Variants in GPNMB observed in about 807,000 individuals in gnomAD.
GPNMB encodes the protein glycoprotein nmb.
A neutral mutation model predicts 57.3 loss-of-function variants in GPNMB; 71 were observed. The ratio of observed to expected loss-of-function variants is 1.24; its 90% CI spans 1.02 to 1.51. The LOEUF is 1.51. Among genes scored for constraint, GPNMB ranks in the 40% most tolerant of loss-of-function variants. GPNMB has a pLI of 0.00. For missense variants in GPNMB, 677 were observed against 691.9 expected (o/e 0.98, Z 0.24); for synonymous variants, 253 against 263.2 (o/e 0.96, Z 0.38).
At position 23,260,705 on chromosome 7, in the gene GPNMB, C is replaced by A. The variant is rs749063192; in HGVS notation, c.950C>A (p.Ala317Asp). Reference protein sequence around the residue: ...GTFSLNLTVKAAAPGPCPPPP... With the variant: ...GTFSLNLTVKDAAPGPCPPPP... Reference sequence around the variant, plus strand: ...TTCAGCCTTAACCTCACTGTGAAAGCTGCAGCACCAGGACCTTGTCCGCCA... The same window carrying A: ...TTCAGCCTTAACCTCACTGTGAAAGATGCAGCACCAGGACCTTGTCCGCCA... The change falls in exon 6 of 11, where the codon GCT (alanine) becomes GAT (aspartate). Residue 317 changes from alanine (A) to aspartate (D), a missense_variant. Ala to Asp is a moderately radical substitution (Grantham distance 126). Coordinates refer to ENST00000258733, the MANE Select transcript of GPNMB (RefSeq NM_002510.3). The A allele has an allele frequency of 8.1e-6, 13 of 1,608,432 alleles. No homozygotes were observed. The highest frequency in any genetic ancestry group is 1.0e-5 in the Non-Finnish European group (12 of 1,176,000).
chr7:23,274,174 C>G lies in GPNMB; in HGVS notation c.1633C>G (p.Gln545Glu). Residue 545 changes from glutamine to glutamate, a missense_variant, in exon 11 of 11, where the codon CAG becomes GAG. Gln to Glu is a conservative substitution (Grantham distance 29, BLOSUM62 2). Transcript: ENST00000258733. ...RAKAVFFPGN[Q>E]EKDPLLKNQE... ...AAAAGCCGTGTTCTTCCCGGGAAAC[C>G]AGGAAAAGGATCCGCTACTCAAAAA... 6.2e-7 allele frequency: 1 copy of G among 1,613,958 alleles called. No homozygotes were observed. The highest frequency in any genetic ancestry group is 1.1e-5 in the South Asian group (1 of 91,056).
chr7:23,271,117 TAG>T (rs1362343512), intron 9 of GPNMB, among the ~76,000 whole-genome samples: 1 of 152,196 alleles, frequency 6.6e-6, no homozygotes, highest in African/African-American at 2.4e-5. Flanking sequence ...AGGCATTAGT[TAG>T]AGTCTCATAA....
At chr7:23,264,803 T>C (rs1783020149) in intron 6 of GPNMB, among the ~76,000 whole-genome samples, 1 of 152,250 alleles carries the variant, frequency 6.6e-6, no homozygotes, top group South Asian at 2.1e-4. Flanking sequence ...AAGAGAAGTT[T>C]TATTTTAAAA....
chr7:23,259,342 C>A (rs1018064097), intron 4 of GPNMB, among the ~76,000 whole-genome samples: 1 of 152,160 alleles, frequency 6.6e-6, no homozygotes, highest in Admixed American at 6.5e-5. Flanking sequence ...TACCACCACA[C>A]CTAGCTAATT....
At chr7:23,270,934 A>G (rs1401580831) in intron 9 of GPNMB, among the ~76,000 whole-genome samples, 1 of 152,240 alleles carries the variant, frequency 6.6e-6, no homozygotes, top group African/African-American at 2.4e-5. Context: ...CTTGTGGCTT[A>G]GAAGAAGTGC....
At position 23,253,440 on chromosome 7, in the gene GPNMB, GT is replaced by G. The variant is rs1167762752; in HGVS notation, c.205del (p.Trp69GlyfsTer14). On this transcript the variant is annotated frameshift_variant, in exon 2 of 11. Coordinates refer to ENST00000258733, the MANE Select transcript of GPNMB (RefSeq NM_002510.3). LOFTEE classifies it high-confidence loss of function. ...CAGTGTGGAAGCGGGGAGACATGAG[GT>G]GGAAAAACTCCTGGAAGGGTAAGTC... ...YPVWKRGDMRWKNSWKGGRVQ... is the reference protein window; with the variant it reads ...YPVWKRGDMRXKNSWKGGRVQ... The G allele has an allele frequency of 1.9e-6, 3 of 1,613,598 alleles. No homozygotes were observed. Among genetic ancestry groups the G allele is most frequent in the Non-Finnish European group, 2.5e-6 (3 of 1,179,868 alleles).
At chr7:23,250,682 T>C (rs574150903) in intron 1 of GPNMB, 2 of 152,366 alleles carry the variant, frequency 1.3e-5, no homozygotes, top group Admixed American at 1.3e-4. Flanking sequence ...TTTATACTTT[T>C]CCTGGGCTTC....
At chr7:23,251,846 A>C (rs1036254179) in intron 1 of GPNMB, among the ~76,000 whole-genome samples, 1 of 152,226 alleles carries the variant, frequency 6.6e-6, no homozygotes, top group East Asian at 1.9e-4. Flanking sequence ...CTAGGAAGTG[A>C]TACTCTGGAA....
chr7:23,249,605 C>T (rs1782616106), intron 1 of GPNMB, among the ~76,000 whole-genome samples: 1 of 152,138 alleles, frequency 6.6e-6, no homozygotes. Flanking sequence ...TTTCCTGGAA[C>T]TTTATTGATT....
At chr7:23,256,411 G>C (rs1782779263) in intron 3 of GPNMB, among the ~76,000 whole-genome samples, 1 of 152,114 alleles carries the variant, frequency 6.6e-6, no homozygotes, top group South Asian at 2.1e-4. Context: ...ATCAAAAATA[G>C]CCAAATATAC....
rs1449754661 is a variant in GPNMB at position 23,256,990 on chromosome 7, T to C, written c.466T>C (p.Phe156Leu). 7 of 1,613,832 alleles carry C rather than the reference T, an allele frequency of 4.3e-6. No individual in the cohort carries two copies. The highest frequency in any genetic ancestry group is 1.7e-5 in the Admixed American group (1 of 59,998). ...NGTGQSHHNV[F>L]PDGKPFPHHP... ...CACCGGCCAAAGCCATCATAACGTC[T>C]TCCCTGATGGGAAACCTTTTCCTCA... The change falls in exon 4 of 11, where the codon TTC (phenylalanine) becomes CTC (leucine). Residue 156 changes from phenylalanine (F) to leucine (L), a missense_variant. Coordinates refer to ENST00000258733, the MANE Select transcript of GPNMB (RefSeq NM_002510.3).
At chr7:23,264,264 T>A (rs1783004721) in intron 6 of GPNMB, among the ~76,000 whole-genome samples, 1 of 152,194 alleles carries the variant, frequency 6.6e-6, no homozygotes, top group Admixed American at 6.5e-5. Context: ...GAAGTTGACC[T>A]TCTTTCTCAT....
chr7:23,274,551 A>G lies in GPNMB; in HGVS notation c.*327A>G, dbSNP rs1443758765. 3.8e-5 allele frequency: 7 copies of G among 184,752 alleles called. No individual in the cohort carries two copies. Among genetic ancestry groups the G allele is most frequent in the Non-Finnish European group, 7.8e-5 (7 of 89,270 alleles). 11.4% of individuals were successfully genotyped at this position (184,752 alleles called of 1,614,324 possible). ...AAGGAGAGAAGCTACTATTGATTAG[A>G]GCCTAACCCAGGTTAACTGCAAGAA... On this transcript the variant is annotated 3_prime_UTR_variant, in exon 11 of 11. Transcript: ENST00000258733.
At chr7:23,249,656 C>T (rs1782617061) in intron 1 of GPNMB, among the ~76,000 whole-genome samples, 2 of 152,168 alleles carry the variant, frequency 1.3e-5, no homozygotes, top group African/African-American at 4.8e-5. Context: ...CTCTTTGTCA[C>T]AGAGTAGTAT....
In GPNMB at chr7:23,270,195, C is replaced by T. The variant is rs186743287; in HGVS notation, c.1429+20C>T. ...ACAGAGGTGAGTTTTGTTTTATGGC[C>T]ATATGAGCATTTCATACTGCAAGTA... On this transcript the variant is annotated intron_variant, in intron 9 of 10. Coordinates refer to ENST00000258733, the MANE Select transcript of GPNMB (RefSeq NM_002510.3). 112 of 1,550,232 alleles carry T rather than the reference C, an allele frequency of 7.2e-5. 1 individual carries two copies. The East Asian group carries it at 1.3e-3, about 19-fold the overall frequency.
chr7:23,262,203 C>G (rs1782942259), intron 6 of GPNMB, among the ~76,000 whole-genome samples: 1 of 152,294 alleles, frequency 6.6e-6, no homozygotes, highest in African/African-American at 2.4e-5. Context: ...CAAGTTATCA[C>G]TGATTTCGAT....
chr7:23,266,222 T>G, intron 6 of GPNMB: 1 of 340,096 alleles, frequency 2.9e-6, no homozygotes, highest in South Asian at 3.3e-5. Flanking sequence ...GTGCTGGGAT[T>G]ACAGGCATGA....
At chr7:23,266,462 G>A (rs774552337) in intron 6 of GPNMB, 55 bp from the exon 7 acceptor site, 2 of 1,579,896 alleles carry the variant, frequency 1.3e-6, no homozygotes, top group Non-Finnish European at 1.7e-6. Context: ...TATATCACAT[G>A]TATCTTTTAT....
chr7:23,266,752 G>A (rs1422189241), intron 7 of GPNMB, 137 bp downstream of exon 7: 4 of 670,626 alleles, frequency 6.0e-6, no homozygotes, highest in Non-Finnish European at 7.4e-6. Flanking sequence ...CACCACACAT[G>A]CAAGAGCAAA....
Sources: gnomAD v4.1 joint callset for allele counts (sites outside exome capture counted in the v4.1 genomes callset) on GRCh38, gnomAD v4.1.1 for gene constraint, MANE v1.5 for transcripts, NCBI Gene and HGNC (gene_info 2026-07-23, HGNC 2026-07-21) for gene names.